The following VIP variants were observed in gnomAD, a reference collection of about 807,000 sequenced individuals.
VIP encodes the protein vasoactive intestinal peptide.
In VIP, 18 loss-of-function variants were observed where a neutral mutation model predicts 20.1. The ratio of observed to expected loss-of-function variants is 0.90; its 90% confidence interval spans 0.62 to 1.33. The LOEUF is 1.33. Among genes scored for constraint, VIP ranks in the 40% most tolerant of loss-of-function variants. VIP has a pLI of 0.00. For missense variants in VIP, 209 were observed against 199.4 expected (o/e 1.05, Z -0.29); for synonymous variants, 70 against 68.1 (o/e 1.03, Z -0.14).
In VIP at chr6:152,758,979, A is replaced by G. The variant is rs2099730821; in HGVS notation, c.*113A>G. On this transcript the variant is annotated 3_prime_UTR_variant, in exon 7 of 7. Transcript: ENST00000367244. ...TCTACATAAGTAATTCAAGAAAACAACTTCAATATCCAAACCAAATAAAAA... is the reference window on the plus strand; with the variant it reads ...TCTACATAAGTAATTCAAGAAAACAGCTTCAATATCCAAACCAAATAAAAA... The G allele has an allele frequency of 6.6e-6, 1 of 152,478 alleles. No individual in the cohort carries two copies. The highest frequency in any genetic ancestry group is 2.1e-4 in the South Asian group (1 of 4,832). The allele number at this position is 152,478 out of a possible 1,614,324, so 9.4% of individuals were successfully genotyped here. A position where few individuals can be genotyped will look rare whatever the true frequency, so the allele number is the denominator to read the frequency against.
rs2099730536 is a variant in VIP, at chr6:152,757,096, C to T, written c.468C>T (p.Ser156=). Residue 156 remains serine (S), a splice_region_variant and synonymous_variant, in exon 6 of 7, where the codon AGC becomes AGT. Coordinates refer to ENST00000367244, the MANE Select transcript of VIP (RefSeq NM_003381.4). Reference sequence around the variant, plus strand: ...TGTACAATGTTTTTCTGGTCTGCAGCAGTGAGGGAGAATCTCCCGACTTTC... The same window carrying T: ...TGTACAATGTTTTTCTGGTCTGCAGTAGTGAGGGAGAATCTCCCGACTTTC... ...YLNSILNGKR[S]SEGESPDFPE... is the part of the protein sequence containing the mutation. 2 of 1,611,712 alleles carry T rather than the reference C, an allele frequency of 1.2e-6. No individual in the cohort carries two copies. The highest frequency in any genetic ancestry group is 1.7e-5 in the Admixed American group (1 of 59,782).
At chr6:152,753,726 A>C (rs1056456802) in intron 2 of VIP, among the ~76,000 whole-genome samples, 1 of 152,132 alleles carries the variant, frequency 6.6e-6, no homozygotes, top group Non-Finnish European at 1.5e-5. Context: ...TGTTTGGAAC[A>C]GGTAATACTG....
Position 152,754,287 on chromosome 6 carries a change from A to C in VIP, c.229A>C (p.Arg77=), listed in dbSNP as rs2099730080. 1 of 1,595,112 alleles carries C rather than the reference A, an allele frequency of 6.3e-7. No individual in the cohort carries two copies. The highest frequency in any genetic ancestry group is 8.5e-7 in the Non-Finnish European group (1 of 1,171,974). Reference sequence around the variant, plus strand: ...TGACACACCCTATTATGATGTATCCAGGTGAGTTTATTTTTATAAAACTAT... The same window carrying C: ...TGACACACCCTATTATGATGTATCCCGGTGAGTTTATTTTTATAAAACTAT... ...ENDTPYYDVS[R]NARHADGVFT... Residue 77 remains arginine (R), a splice_region_variant and synonymous_variant, in exon 3 of 7, where the codon AGA becomes CGA. Coordinates refer to ENST00000367244, the MANE Select transcript of VIP (RefSeq NM_003381.4).
intron 6 of VIP, among the ~76,000 whole-genome samples, chr6:152,757,722 T>C (rs1459649174): frequency 6.6e-6 from 1 of 151,960 alleles, no homozygotes; most frequent in Non-Finnish European, 1.5e-5. Flanking sequence ...ATTTAGCTTG[T>C]TTTACCTGTA....
Position 152,756,166 on chromosome 6 carries a change from A to G in VIP, c.368A>G (p.Lys123Arg), listed in dbSNP as rs2099730393. The G allele has an allele frequency of 6.2e-7, 1 of 1,611,174 alleles. No homozygotes were observed. The highest frequency in any genetic ancestry group is 8.5e-7 in the Non-Finnish European group (1 of 1,178,336). Residue 123 changes from lysine to arginine, a missense_variant, in exon 5 of 7, where the codon AAA (lysine) becomes AGA (arginine). Physicochemically the swap from Lys to Arg is conservative, Grantham distance 26. Transcript: ENST00000367244. ...ATCTCAGAAGACCCTGTACCAGTCA[A>G]ACGTCACTCAGATGCAGTCTTCACT... Reference protein sequence around the residue: ...SNISEDPVPVKRHSDAVFTDN... With the variant: ...SNISEDPVPVRRHSDAVFTDN...
rs200063614 is a variant in VIP, at chr6:152,755,820, T to TA, written c.336-300dup. 6.3e-3 allele frequency among the ~76,000 whole-genome samples: 911 copies of TA among 145,710 alleles called. 7 individuals carry two copies. The highest frequency in any genetic ancestry group is 0.02 in the African/African-American group (810 of 39,830). On this transcript the variant is annotated intron_variant, in intron 4 of 6. Transcript: ENST00000367244. ...TCTAAAGAAGTAATTATGTTTTTTTTAAAAAAAAAAAAAATTTCTCCCAAT... is the reference window on the plus strand; with the variant it reads ...TCTAAAGAAGTAATTATGTTTTTTTTAAAAAAAAAAAAAAATTTCTCCCAAT...
chr6:152,757,876 A>G (rs1023397623), intron 6 of VIP, among the ~76,000 whole-genome samples: 2 of 151,962 alleles, frequency 1.3e-5, no homozygotes, highest in African/African-American at 4.8e-5. Flanking sequence ...TTCAAGACAT[A>G]TTTCTTTCCT....
At chr6:152,752,582 A>G (rs1043229799) in intron 2 of VIP, among the ~76,000 whole-genome samples, 6 of 152,150 alleles carry the variant, frequency 3.9e-5, no homozygotes, top group Non-Finnish European at 8.8e-5. Flanking sequence ...CTTTAGATAA[A>G]TAATAAGCTT....
At position 152,752,269 on chromosome 6, in the gene VIP, C is replaced by A; in HGVS notation, c.92C>A (p.Ala31Glu). Residue 31 changes from alanine (A) to glutamate (E), a missense_variant, in exon 2 of 7, where the codon GCA becomes GAA. Physicochemically the swap from Ala to Glu is moderately radical, Grantham distance 107 (BLOSUM62 -1). Coordinates refer to ENST00000367244, the MANE Select transcript of VIP (RefSeq NM_003381.4). ...SQTSAWPLYR[A>E]PSALRLGDRI... ...ACTTCGGCATGGCCTCTTTACAGGG[C>A]ACCTTCTGCTCTCAGGTAAGTTCCC... 2 of 1,612,988 alleles carry A rather than the reference C, an allele frequency of 1.2e-6. No individual in the cohort carries two copies. Among genetic ancestry groups the A allele is most frequent in the Non-Finnish European group, 1.7e-6 (2 of 1,179,478 alleles).
intron 2 of VIP, among the ~76,000 whole-genome samples, chr6:152,752,954 T>A (rs1348561607): frequency 6.6e-6 from 1 of 152,130 alleles, no homozygotes; most frequent in African/African-American, 2.4e-5. Flanking sequence ...GCTAAAGAAG[T>A]AAACAATAAA....
At chr6:152,751,457 T>C (rs1009744494) in intron 1 of VIP, among the ~76,000 whole-genome samples, 14 of 152,098 alleles carry the variant, frequency 9.2e-5, no homozygotes, top group African/African-American at 3.1e-4. Context: ...AGAAATGAAA[T>C]GTGTAAGTTG....
intron 3 of VIP, among the ~76,000 whole-genome samples, chr6:152,754,867 A>G (rs538716458): frequency 1.3e-5 from 2 of 152,104 alleles, no homozygotes; most frequent in Non-Finnish European, 2.9e-5. Flanking sequence ...ACTTTCCAAA[A>G]TCAGAATATT....
intron 6 of VIP, among the ~76,000 whole-genome samples, chr6:152,758,132 T>C (rs1237584116): frequency 6.6e-6 from 1 of 151,952 alleles, no homozygotes; most frequent in East Asian, 1.9e-4. Context: ...CCAATAAAAC[T>C]TTATTCATAA....
chr6:152,757,240 G>C, intron 6 of VIP, 56 bp downstream of exon 6: 1 of 1,150,856 alleles, frequency 8.7e-7, no homozygotes, highest in Non-Finnish European at 1.3e-6. Flanking sequence ...GATTATATAA[G>C]TAGCTAAGAG....
At chr6:152,757,714 T>G (rs931324966) in intron 6 of VIP, among the ~76,000 whole-genome samples, 5 of 152,068 alleles carry the variant, frequency 3.3e-5, no homozygotes, top group African/African-American at 1.2e-4. Flanking sequence ...AAAGTTAAAT[T>G]TAGCTTGTTT....
Position 152,752,218 on chromosome 6 carries a change from C to T in VIP, c.41C>T (p.Thr14Ile), listed in dbSNP as rs1383021042. The change falls in exon 2 of 7, where the codon ACT becomes ATT. Residue 14 changes from threonine (T) to isoleucine (I), a missense_variant. Thr to Ile is a moderately conservative substitution (Grantham distance 89). Coordinates refer to ENST00000367244, the MANE Select transcript of VIP (RefSeq NM_003381.4). ...RNKAQLLVLL[T>I]LLSVLFSQTS... ...AAGGCCCAGCTCCTTGTGCTCCTGA[C>T]TCTTCTCAGTGTGCTCTTCTCACAG... 2 of 1,613,562 alleles carry T rather than the reference C, an allele frequency of 1.2e-6. No homozygotes were observed. The highest frequency in any genetic ancestry group is 3.3e-5 in the Admixed American group (2 of 59,990).
intron 3 of VIP, among the ~76,000 whole-genome samples, chr6:152,754,750 G>T (rs548883003): frequency 6.6e-6 from 1 of 151,940 alleles, no homozygotes; most frequent in East Asian, 1.9e-4. Context: ...TGCTTCATTT[G>T]AAAGAGAAAA....
chr6:152,754,034 T>C, intron 2 of VIP, 132 bp from the exon 3 acceptor site: 1 of 988,586 alleles, frequency 1.0e-6, no homozygotes, highest in Non-Finnish European at 1.4e-6. Flanking sequence ...TAAGTCAAAT[T>C]ATGCTATTCT....
At chr6:152,758,382 C>T (rs2099730734) in intron 6 of VIP, among the ~76,000 whole-genome samples, 1 of 151,966 alleles carries the variant, frequency 6.6e-6, no homozygotes, top group African/African-American at 2.4e-5. Context: ...TGGCCCACAT[C>T]AACTCTTTAT....
Sources: allele counts gnomAD v4.1 joint callset (sites outside exome capture counted in the v4.1 genomes callset), GRCh38; gene constraint gnomAD v4.1.1; transcripts MANE v1.5; gene names NCBI Gene and HGNC (gene_info 2026-07-23, HGNC 2026-07-21).